SDK1: variants seen among roughly 807,000 people sequenced by gnomAD.
The protein encoded by SDK1 is sidekick cell adhesion molecule 1.
Under a neutral mutation model 245.5 loss-of-function variants are expected in SDK1, and 157 were observed. That is an observed-to-expected ratio of 0.64 (90% CI 0.56 to 0.73). The LOEUF is 0.73. SDK1 is among the 30% of genes least tolerant of loss of function. The probability of loss-of-function intolerance (pLI) is 0.00; values close to 1 mark genes in which losing one functional copy is unlikely to be tolerated. For synonymous variants in SDK1, 1,647 were observed against 1,278.5 expected, an observed-to-expected ratio of 1.29 and a Z score of -6.15; for missense variants, 3,583 against 3,002.3, an observed-to-expected ratio of 1.19 and a Z score of -4.52.
In SDK1 at chr7:4,185,189, T is replaced by C. The variant is rs115274892; in HGVS notation, c.5098+6603T>C. Among the ~76,000 whole-genome samples, 642 of 152,312 alleles carry C rather than the reference T, an allele frequency of 4.2e-3. 1 individual carries two copies. The highest frequency in any genetic ancestry group is 0.015 in the African/African-American group (631 of 41,574). Reference sequence around the variant, plus strand: ...CGGGCATTCACCACCACAGCTGTCCTGCAGTGCTGATAGGCAGAGTTTGAC... The same window carrying C: ...CGGGCATTCACCACCACAGCTGTCCCGCAGTGCTGATAGGCAGAGTTTGAC... On this transcript the variant is annotated intron_variant, in intron 35 of 44. Coordinates refer to ENST00000404826, the MANE Select transcript of SDK1 (RefSeq NM_152744.4).
At chr7:4,201,967 C>G (rs981707271) in intron 35 of SDK1, among the ~76,000 whole-genome samples, 7 of 152,196 alleles carry the variant, frequency 4.6e-5, no homozygotes, top group African/African-American at 1.7e-4. Flanking sequence ...AACATGCACC[C>G]CGTGTTCCCA....
chr7:4,203,331 G>A (rs7800149), intron 35 of SDK1, among the ~76,000 whole-genome samples: 49,381 of 151,978 alleles, frequency 0.32, 8,774 homozygotes, highest in African/African-American at 0.47. Context: ...GCCCCCTGGC[G>A]AGGGTACAGG....
At chr7:4,148,127 C>G (rs73048352) in intron 29 of SDK1, among the ~76,000 whole-genome samples, 1 of 152,058 alleles carries the variant, frequency 6.6e-6, no homozygotes, top group South Asian at 2.1e-4. Context: ...GCCTTTGAAA[C>G]GGGATACGCT....
intron 1 of SDK1, 75 bp downstream of exon 1, chr7:3,301,959 T>A: frequency 9.8e-7 from 1 of 1,025,530 alleles, no homozygotes; most frequent in Admixed American, 5.6e-5. Context: ...AGCGAGAGTG[T>A]GTCCGGGGTC....
intron 17 of SDK1, among the ~76,000 whole-genome samples, chr7:4,024,848 C>T (rs539746482): frequency 5.9e-5 from 9 of 152,192 alleles, no homozygotes; most frequent in Admixed American, 5.9e-4. Flanking sequence ...GTTTTTCATT[C>T]TGTGTATATC....
chr7:3,464,445 G>A (rs1458448990), intron 1 of SDK1, among the ~76,000 whole-genome samples: 5 of 152,098 alleles, frequency 3.3e-5, no homozygotes, highest in East Asian at 1.9e-4. Context: ...CATTTGAGCC[G>A]AAGGGCTCAA....
intron 22 of SDK1, among the ~76,000 whole-genome samples, chr7:4,102,963 A>AG (rs1226618021): frequency 7.1e-6 from 1 of 140,816 alleles, no homozygotes; most frequent in Non-Finnish European, 1.5e-5. Flanking sequence ...TTAAAAAAAA[A>AG]AAAAAAAAAA....
chr7:3,999,321 A>T (rs1227776087), intron 14 of SDK1, among the ~76,000 whole-genome samples: 1 of 152,220 alleles, frequency 6.6e-6, no homozygotes, highest in Non-Finnish European at 1.5e-5. Context: ...AGACACCAGG[A>T]GATACCAGGA....
chr7:4,168,114 C>T (rs910930251), intron 32 of SDK1, among the ~76,000 whole-genome samples: 5 of 152,184 alleles, frequency 3.3e-5, no homozygotes, highest in Non-Finnish European at 5.9e-5. Context: ...AGCCACCGGA[C>T]CCTTTGTAAG....
chr7:3,696,183 C>T (rs1210984425), intron 4 of SDK1, among the ~76,000 whole-genome samples: 1 of 152,104 alleles, frequency 6.6e-6, no homozygotes, highest in Non-Finnish European at 1.5e-5. Flanking sequence ...CAACTTAAAT[C>T]TTATTGCCAC....
intron 1 of SDK1, among the ~76,000 whole-genome samples, chr7:3,408,552 C>T (rs1420691305): frequency 3.3e-5 from 5 of 152,116 alleles, no homozygotes; most frequent in Non-Finnish European, 5.9e-5. Flanking sequence ...ATATTTAATA[C>T]ATGTGAGTAT....
rs564510588 is a variant in SDK1, at chr7:3,611,609, T to C, written c.299-7471T>C. On this transcript the variant is annotated intron_variant, in intron 1 of 44. Transcript: ENST00000404826. Reference sequence around the variant, plus strand: ...AAGGGTAGTTCTACTTTCAGTTCTTTAGGGAATCTTCACACTGTTTTCCAT... The same window carrying C: ...AAGGGTAGTTCTACTTTCAGTTCTTCAGGGAATCTTCACACTGTTTTCCAT... Among the ~76,000 whole-genome samples the C allele has an allele frequency of 1.3e-4, 20 of 152,306 alleles. No homozygotes were observed. The East Asian group carries it at 3.5e-3, about 27-fold the overall frequency.
In SDK1 at chr7:3,997,179, C is replaced by T. The variant is rs143070365; in HGVS notation, c.2131+9857C>T. 4.5e-3 allele frequency among the ~76,000 whole-genome samples: 692 copies of T among 152,286 alleles called. 5 individuals carry two copies. Among genetic ancestry groups the T allele is most frequent in the African/African-American group, 0.016 (655 of 41,576 alleles). On this transcript the variant is annotated intron_variant, in intron 14 of 44. Coordinates refer to ENST00000404826, the MANE Select transcript of SDK1 (RefSeq NM_152744.4). ...TTGTTACGGGATCTTTGGAGTGTCG[C>T]TTTTCCAGCCAGAAACCTCTGTGGC...
intron 42 of SDK1, among the ~76,000 whole-genome samples, chr7:4,238,393 T>G (rs1408740554): frequency 6.6e-6 from 1 of 151,952 alleles, no homozygotes; most frequent in Non-Finnish European, 1.5e-5. Context: ...TCACATTTTT[T>G]AATAGTATTA....
chr7:4,113,168 A>G, intron 23 of SDK1, 121 bp from the exon 24 acceptor site: 2 of 1,052,480 alleles, frequency 1.9e-6, no homozygotes, highest in African/African-American at 3.2e-5. Flanking sequence ...AATAGCCTTT[A>G]TGATATGAGT....
intron 32 of SDK1, among the ~76,000 whole-genome samples, chr7:4,162,625 C>G (rs889385774): frequency 3.3e-5 from 5 of 152,176 alleles, no homozygotes; most frequent in African/African-American, 1.2e-4. Flanking sequence ...ATCTTGAACT[C>G]CTGACCTCAG....
intron 1 of SDK1, among the ~76,000 whole-genome samples, chr7:3,490,520 T>C (rs1323928689): frequency 1.3e-5 from 2 of 152,220 alleles, no homozygotes; most frequent in Non-Finnish European, 2.9e-5. Context: ...TCTTCTGATA[T>C]TTCTTTAAAC....
At chr7:3,890,718 G>T (rs1257725481) in intron 5 of SDK1, among the ~76,000 whole-genome samples, 1 of 151,856 alleles carries the variant, frequency 6.6e-6, no homozygotes, top group Non-Finnish European at 1.5e-5. Flanking sequence ...GAGGCAGTCG[G>T]ATCACCTGAG....
At chr7:3,397,651 CTT>C (rs986312959) in intron 1 of SDK1, among the ~76,000 whole-genome samples, 3 of 151,916 alleles carry the variant, frequency 2.0e-5, no homozygotes, top group Non-Finnish European at 4.4e-5. Context: ...GTGTTTGACT[CTT>C]TGAGTTACCC....
Sources: gnomAD v4.1 joint callset for allele counts (sites outside exome capture counted in the v4.1 genomes callset) on GRCh38, gnomAD v4.1.1 for gene constraint, MANE v1.5 for transcripts, NCBI Gene and HGNC (gene_info 2026-07-23, HGNC 2026-07-21) for gene names.